Variants in NEBL observed in about 807,000 individuals in gnomAD.
NEBL encodes LIM and SH3 protein 2.
NEBL carries 122 observed loss-of-function variants against 140.2 expected under a neutral mutation model. The ratio of observed to expected loss-of-function variants is 0.87; its 90% confidence interval spans 0.75 to 1.01. The LOEUF is 1.01. Among genes scored for constraint, NEBL ranks in the 50% least tolerant of loss-of-function variants. The probability of loss-of-function intolerance (pLI) is 0.00; values close to 1 mark genes in which losing one functional copy is unlikely to be tolerated. For synonymous variants in NEBL, 436 were observed against 398.9 expected (o/e 1.09, Z -1.11); for missense variants, 1,365 against 1,231.3 (o/e 1.11, Z -1.62).
chr10:20,871,224 T>C (rs1316105781), intron 5 of NEBL, among the ~76,000 whole-genome samples: 1 of 152,204 alleles, frequency 6.6e-6, no homozygotes, highest in Non-Finnish European at 1.5e-5. Context: ...ACCTGCAACC[T>C]TTCTGAAATA....
chr10:20,913,747 T>C (rs1848425139), intron 4 of NEBL, among the ~76,000 whole-genome samples: 1 of 152,196 alleles, frequency 6.6e-6, no homozygotes, highest in Admixed American at 6.5e-5. Flanking sequence ...CCCTGCATTC[T>C]TGGGTTAAAT....
intron 4 of NEBL, among the ~76,000 whole-genome samples, chr10:20,923,051 T>A (rs2131506317): frequency 6.6e-6 from 1 of 152,154 alleles, no homozygotes; most frequent in Non-Finnish European, 1.5e-5. Flanking sequence ...TCTCTCTTGT[T>A]CTTCTTTTTC....
intron 2 of NEBL, among the ~76,000 whole-genome samples, chr10:21,045,246 T>C (rs1834457061): frequency 6.6e-6 from 1 of 152,222 alleles, no homozygotes; most frequent in Non-Finnish European, 1.5e-5. Context: ...AGAAAATGTA[T>C]GCTCAGAGAT....
At chr10:21,029,642 G>C in intron 2 of NEBL, 5 of 1,364,680 alleles carry the variant, frequency 3.7e-6, no homozygotes, top group Non-Finnish European at 4.2e-6. Context: ...CCGCCTAGAA[G>C]GGGTGATGAT....
chr10:20,815,760 T>A (rs754948690), intron 21 of NEBL, 43 bp from the exon 22 acceptor site: 18 of 1,318,330 alleles, frequency 1.4e-5, no homozygotes, highest in Admixed American at 6.7e-5. Context: ...ATGAATCAAT[T>A]CAACAAAGAG....
chr10:20,847,111 A>G (rs1207243083), intron 11 of NEBL, among the ~76,000 whole-genome samples: 1 of 152,148 alleles, frequency 6.6e-6, no homozygotes, highest in Non-Finnish European at 1.5e-5. Flanking sequence ...TCTTGGGAAT[A>G]AAAAAACATC....
At chr10:21,208,475 T>C (rs1841865317) in intron 3 of NEBL, among the ~76,000 whole-genome samples, 1 of 152,172 alleles carries the variant, frequency 6.6e-6, no homozygotes, top group African/African-American at 2.4e-5. Context: ...ATGCTAAAAC[T>C]TGGTTTATTT....
chr10:21,076,656 CAT>C (rs979425557), intron 2 of NEBL, among the ~76,000 whole-genome samples: 4 of 152,200 alleles, frequency 2.6e-5, no homozygotes, highest in African/African-American at 9.6e-5. Context: ...GTGATATACA[CAT>C]ATGATCAGCT....
intron 4 of NEBL, among the ~76,000 whole-genome samples, chr10:20,925,772 C>T (rs975766140): frequency 1.3e-5 from 2 of 151,256 alleles, no homozygotes; most frequent in African/African-American, 4.9e-5. Context: ...TAGAGGTCAG[C>T]CATATTGGCT....
intron 7 of NEBL, among the ~76,000 whole-genome samples, chr10:20,861,454 C>T (rs1843694895): frequency 2.0e-5 from 3 of 152,210 alleles, no homozygotes; most frequent in Admixed American, 6.5e-5. Flanking sequence ...GCTGGGATTA[C>T]AGGCGTGAGC....
intron 4 of NEBL, among the ~76,000 whole-genome samples, chr10:20,949,708 A>C (rs1270311640): frequency 6.6e-6 from 1 of 152,196 alleles, no homozygotes; most frequent in East Asian, 1.9e-4. Flanking sequence ...TGTTTTATAT[A>C]GAATACTGTG....
chr10:21,263,794 G>A (rs7899015), intron 1 of NEBL, among the ~76,000 whole-genome samples: 3,206 of 152,094 alleles, frequency 0.021, 97 homozygotes, highest in African/African-American at 0.073. Context: ...GCGAAACCCC[G>A]TCTCTACTAA....
chr10:21,188,974 A>AATAT (rs1841526229), intron 3 of NEBL, among the ~76,000 whole-genome samples: 1 of 152,150 alleles, frequency 6.6e-6, no homozygotes, highest in Admixed American at 6.6e-5. Flanking sequence ...TGTCACCTAC[A>AATAT]ATATATATAA....
chr10:20,970,753 A>G (rs1291548907), intron 3 of NEBL, among the ~76,000 whole-genome samples: 1 of 152,222 alleles, frequency 6.6e-6, no homozygotes, highest in Non-Finnish European at 1.5e-5. Context: ...GTTAAGGTCC[A>G]TTTCACAGAT....
chr10:21,279,125 T>C (rs775819484), intron 1 of NEBL, among the ~76,000 whole-genome samples: 2 of 152,106 alleles, frequency 1.3e-5, no homozygotes, highest in Admixed American at 6.6e-5. Context: ...ACCGTCTCTG[T>C]TGCATAGCCT....
chr10:21,144,858 A>T (rs1244819570), intron 2 of NEBL, among the ~76,000 whole-genome samples: 1 of 152,126 alleles, frequency 6.6e-6, no homozygotes, highest in African/African-American at 2.4e-5. Flanking sequence ...TCTGTAAAAT[A>T]GTGGTTAGCA....
intron 2 of NEBL, among the ~76,000 whole-genome samples, chr10:21,071,233 T>A (rs535102867): frequency 3.3e-5 from 5 of 149,624 alleles, no homozygotes; most frequent in African/African-American, 9.7e-5. Context: ...AATATTATTA[T>A]TATTTTTAAA....
intron 20 of NEBL, chr10:20,819,057 A>G: frequency 9.6e-7 from 1 of 1,037,136 alleles, no homozygotes; most frequent in South Asian, 3.2e-5. Context: ...CATGTTGCTC[A>G]AATTCATTTT....
intron 26 of NEBL, among the ~76,000 whole-genome samples, chr10:20,794,758 C>T (rs1193216812): frequency 6.6e-6 from 1 of 152,182 alleles, no homozygotes; most frequent in Non-Finnish European, 1.5e-5. Context: ...ATGCTTACAA[C>T]CCCGTTAGCT....
Sources: gnomAD v4.1 joint callset for allele counts (sites outside exome capture counted in the v4.1 genomes callset) on GRCh38, gnomAD v4.1.1 for gene constraint, MANE v1.5 for transcripts, NCBI Gene and HGNC (gene_info 2026-07-23, HGNC 2026-07-21) for gene names.